The following DIP2C variants were observed in gnomAD, a reference collection of about 807,000 sequenced individuals.
DIP2C encodes disco-interacting protein 2 homolog C.
Under a neutral mutation model 192.4 loss-of-function variants are expected in DIP2C, and 33 were observed. The ratio of observed to expected loss-of-function variants is 0.17; its 90% CI spans 0.13 to 0.23. DIP2C has a LOEUF of 0.23. Ranked by LOEUF, DIP2C falls within the 10% of genes least tolerant of loss-of-function variation. The pLI, the probability that DIP2C is intolerant of heterozygous loss-of-function variation, is 1.00. For synonymous variants in DIP2C, 979 were observed against 864.1 expected, an observed-to-expected ratio of 1.13 and a Z score of -2.33; for missense variants, 1,537 against 2,110.1, an observed-to-expected ratio of 0.73 and a Z score of 5.32.
intron 1 of DIP2C, among the ~76,000 whole-genome samples, chr10:555,598 G>C (rs1848808722): frequency 6.6e-6 from 1 of 152,184 alleles, no homozygotes; most frequent in African/African-American, 2.4e-5. Context: ...AAACTCAGGT[G>C]ATCCTGTTGA....
At chr10:418,383 G>C (rs536402621) in intron 6 of DIP2C, among the ~76,000 whole-genome samples, 1 of 152,128 alleles carries the variant, frequency 6.6e-6, no homozygotes, top group Non-Finnish European at 1.5e-5. Flanking sequence ...TGCACCGCAA[G>C]ATGACAGCAT....
rs143963812 is a variant in DIP2C at position 683,545 on chromosome 10, C to T, written c.85+5949G>A. Among the ~76,000 whole-genome samples, 230 of 152,292 alleles carry T rather than the reference C, an allele frequency of 1.5e-3. 1 individual carries two copies. Among genetic ancestry groups the T allele is most frequent in the African/African-American group, 5.3e-3 (221 of 41,544 alleles). On this transcript the variant is annotated intron_variant, in intron 1 of 36. Coordinates refer to ENST00000280886, the MANE Select transcript of DIP2C (RefSeq NM_014974.3). ...AGATAGAGTGGTCAGAAACCGACCA[C>T]GTCACCAAAGGGCGCCATAGACGTT...
intron 24 of DIP2C, among the ~76,000 whole-genome samples, chr10:353,481 C>A (rs936452505): frequency 6.6e-6 from 1 of 151,972 alleles, no homozygotes; most frequent in Non-Finnish European, 1.5e-5. Context: ...CTCTGCTTCC[C>A]GGGTTCAAGC....
At chr10:356,779 C>T (rs759999906) in intron 23 of DIP2C, among the ~76,000 whole-genome samples, 1 of 152,182 alleles carries the variant, frequency 6.6e-6, no homozygotes, top group African/African-American at 2.4e-5. Context: ...GCTGGTGCTG[C>T]ACCCTGGTGT....
intron 6 of DIP2C, among the ~76,000 whole-genome samples, chr10:416,563 A>G (rs1169293579): frequency 1.3e-5 from 2 of 152,196 alleles, no homozygotes; most frequent in Non-Finnish European, 2.9e-5. Flanking sequence ...ATTTTTGTGT[A>G]ACAGAATACT....
chr10:649,574 T>C (rs1855726862), intron 1 of DIP2C, among the ~76,000 whole-genome samples: 1 of 152,222 alleles, frequency 6.6e-6, no homozygotes, highest in East Asian at 1.9e-4. Flanking sequence ...CAACTTTTCC[T>C]TTTTTCACAT....
chr10:356,853 G>A (rs1199778143), intron 23 of DIP2C, among the ~76,000 whole-genome samples: 2 of 152,224 alleles, frequency 1.3e-5, no homozygotes, highest in Non-Finnish European at 2.9e-5. Context: ...GGAGCAGCCT[G>A]CACAGAAATC....
At chr10:575,446 G>C (rs561566506) in intron 1 of DIP2C, among the ~76,000 whole-genome samples, 1 of 152,148 alleles carries the variant, frequency 6.6e-6, no homozygotes, top group Non-Finnish European at 1.5e-5. Flanking sequence ...TGCTGAGGCC[G>C]TCCTAGGACT....
chr10:344,209 T>C (rs945624368), intron 28 of DIP2C, among the ~76,000 whole-genome samples: 2 of 152,208 alleles, frequency 1.3e-5, no homozygotes, highest in African/African-American at 4.8e-5. Context: ...AAAACATTTC[T>C]TTTCAAAAGC....
chr10:523,326 T>C (rs1333091131), intron 1 of DIP2C, among the ~76,000 whole-genome samples: 1 of 150,798 alleles, frequency 6.6e-6, no homozygotes, highest in African/African-American at 2.5e-5. Context: ...ACACACTCGT[T>C]TCTACCGGAT....
chr10:670,738 G>C (rs1830593952), intron 1 of DIP2C, among the ~76,000 whole-genome samples: 1 of 152,090 alleles, frequency 6.6e-6, no homozygotes, highest in Non-Finnish European at 1.5e-5. Flanking sequence ...GATAACAAAA[G>C]AAAGTCACAG....
chr10:524,009 C>G (rs975671182), intron 1 of DIP2C, among the ~76,000 whole-genome samples: 3 of 152,288 alleles, frequency 2.0e-5, no homozygotes, highest in African/African-American at 7.2e-5. Flanking sequence ...CTGGGGCTTC[C>G]CATAAGCACT....
chr10:664,850 C>T lies in DIP2C; in HGVS notation c.85+24644G>A, dbSNP rs940725160. On this transcript the variant is annotated intron_variant, in intron 1 of 36. Transcript: ENST00000280886. Reference sequence around the variant, plus strand: ...AGGAATTAAAACTCCTAACTTAATACTAAATAGACGGGAAAAAACAAAGTA... The same window carrying T: ...AGGAATTAAAACTCCTAACTTAATATTAAATAGACGGGAAAAAACAAAGTA... 5 of 151,970 alleles carry T rather than the reference C, an allele frequency of 3.3e-5. No individual in the cohort carries two copies. In the East Asian group the frequency reaches 5.8e-4, roughly 18 times the overall value. The allele number at this position is 151,970 out of a possible 1,614,324, so 9.4% of individuals were successfully genotyped here.
chr10:677,933 T>C (rs1241649691), intron 1 of DIP2C, among the ~76,000 whole-genome samples: 2 of 152,222 alleles, frequency 1.3e-5, no homozygotes, highest in Admixed American at 1.3e-4. Flanking sequence ...GTCCAGTGCA[T>C]GAGGATGCCC....
chr10:336,117 C>T (rs1957757279), intron 29 of DIP2C, among the ~76,000 whole-genome samples: 2 of 152,108 alleles, frequency 1.3e-5, no homozygotes, highest in Admixed American at 1.3e-4. Context: ...GCCTATAATT[C>T]CAACACTTTG....
intron 1 of DIP2C, among the ~76,000 whole-genome samples, chr10:543,999 A>G (rs925818725): frequency 1.3e-5 from 2 of 152,280 alleles, no homozygotes; most frequent in East Asian, 3.8e-4. Context: ...GTGAGTGGGC[A>G]CATAGTGCGT....
At chr10:677,591 A>G (rs1196147241) in intron 1 of DIP2C, among the ~76,000 whole-genome samples, 1 of 152,234 alleles carries the variant, frequency 6.6e-6, no homozygotes, top group African/African-American at 2.4e-5. Context: ...AAGTAGTCCC[A>G]GTTATTATAC....
At chr10:334,410 T>G (rs1257967245) in intron 29 of DIP2C, among the ~76,000 whole-genome samples, 5 of 152,148 alleles carry the variant, frequency 3.3e-5, no homozygotes, top group Admixed American at 3.3e-4. Context: ...TGGCTTGTCT[T>G]TCTACTTAAT....
chr10:514,501 G>A (rs1846227491), intron 1 of DIP2C, among the ~76,000 whole-genome samples: 1 of 152,244 alleles, frequency 6.6e-6, no homozygotes, highest in Non-Finnish European at 1.5e-5. Context: ...AGAGGGTTCT[G>A]AGGCAGCCAA....
Sources: allele counts gnomAD v4.1 joint callset (sites outside exome capture counted in the v4.1 genomes callset), GRCh38; gene constraint gnomAD v4.1.1; transcripts MANE v1.5; gene names NCBI Gene and HGNC (gene_info 2026-07-23, HGNC 2026-07-21).